Variants in PTK7 observed in about 807,000 individuals in gnomAD.
The protein encoded by PTK7 is protein tyrosine kinase 7 (inactive), also known as inactive tyrosine-protein kinase 7.
Under a neutral mutation model 116.6 loss-of-function variants are expected in PTK7, and 39 were observed. The ratio of observed to expected loss-of-function variants is 0.33; its 90% CI spans 0.26 to 0.44. The LOEUF is 0.44. PTK7 is among the 20% of genes least tolerant of loss of function. PTK7 has a pLI of 1.00. For synonymous variants in PTK7, 546 were observed against 563.6 expected (o/e 0.97, Z 0.44); for missense variants, 1,169 against 1,425.6 (o/e 0.82, Z 2.90).
intron 17 of PTK7, among the ~76,000 whole-genome samples, chr6:43,151,851 C>CT (rs1203684635): frequency 1.3e-4 from 17 of 129,670 alleles, no homozygotes; most frequent in African/African-American, 2.3e-4. Context: ...CGCCCCCCGC[C>CT]TTTTTTTTTA....
intron 1 of PTK7, among the ~76,000 whole-genome samples, chr6:43,113,483 C>T (rs183419565): frequency 6.6e-6 from 1 of 152,136 alleles, no homozygotes; most frequent in Admixed American, 6.5e-5. Flanking sequence ...GTCTGGTGAA[C>T]ACAAGGGTTT....
intron 17 of PTK7, among the ~76,000 whole-genome samples, chr6:43,158,611 T>G (rs1771656186): frequency 6.6e-6 from 1 of 152,210 alleles, no homozygotes; most frequent in African/African-American, 2.4e-5. Context: ...GGCACTTTAG[T>G]TTGCTTAGTT....
Position 43,157,376 on chromosome 6 carries a change from CTT to C in PTK7, c.2722-1423_2722-1422del, listed in dbSNP as rs71547832. Among the ~76,000 whole-genome samples, 38 of 21,876 alleles carry C rather than the reference CTT, an allele frequency of 1.7e-3. 3 individuals carry two copies. Among genetic ancestry groups the C allele is most frequent in the African/African-American group, 4.5e-3 (26 of 5,800 alleles). 14.4% of individuals were successfully genotyped at this position (21,876 alleles called of 152,430 possible). ...TATATATATATATATTTTTTTTTTT[CTT>C]TTTTTTTTTTTTTTTTTAATAGAGT... On this transcript the variant is annotated intron_variant, in intron 17 of 19. Transcript: ENST00000230419.
chr6:43,150,297 G>C (rs963091276), intron 17 of PTK7, among the ~76,000 whole-genome samples: 4 of 151,434 alleles, frequency 2.6e-5, no homozygotes, highest in Admixed American at 6.6e-5. Flanking sequence ...AAAGGAAGGA[G>C]TGGGTCTGAT....
intron 1 of PTK7, among the ~76,000 whole-genome samples, chr6:43,090,879 C>T (rs1405193935): frequency 6.6e-6 from 1 of 152,110 alleles, no homozygotes; most frequent in Non-Finnish European, 1.5e-5. Flanking sequence ...GCTAGGGAAA[C>T]CTGTTTTCTT....
rs1365319960 is a variant in PTK7 at position 43,119,194 on chromosome 6, G to T, written c.80-9783G>T. Among the ~76,000 whole-genome samples the T allele has an allele frequency of 2.0e-5, 3 of 152,056 alleles. 1 individual carries two copies. The highest frequency in any genetic ancestry group is 4.4e-5 in the Non-Finnish European group (3 of 68,014). ...TAAAGGGCGTCCTCCTCACCACCAG[G>T]AATTTGGGGTGAACTGCTGTGGCCA... On this transcript the variant is annotated intron_variant, in intron 1 of 19. Transcript: ENST00000230419.
At chr6:43,093,072 T>G (rs1035188550) in intron 1 of PTK7, among the ~76,000 whole-genome samples, 2 of 152,046 alleles carry the variant, frequency 1.3e-5, no homozygotes, top group Non-Finnish European at 2.9e-5. Flanking sequence ...GGGGTGACTT[T>G]AAGTCTTTAT....
At position 43,138,865 on chromosome 6, in the gene PTK7, G is replaced by A; in HGVS notation, c.1245G>A (p.Leu415=). 1 of 1,613,682 alleles carries A rather than the reference G, an allele frequency of 6.2e-7. No individual in the cohort carries two copies. Among genetic ancestry groups the A allele is most frequent in the Non-Finnish European group, 8.5e-7 (1 of 1,179,794 alleles). ...TCTGTCTAGCTGTGCCCTCCTGGCT[G>A]AAGAAGCCCCAAGACAGCCAGCTGG... ...NITVATVPSW[L]KKPQDSQLEE... The change falls in exon 8 of 20, where the codon CTG becomes CTA. Residue 415 remains leucine (L), a synonymous_variant. Coordinates refer to ENST00000230419, the MANE Select transcript of PTK7 (RefSeq NM_002821.5).
chr6:43,128,658 G>T (rs1769444553), intron 1 of PTK7, among the ~76,000 whole-genome samples: 1 of 152,170 alleles, frequency 6.6e-6, no homozygotes, highest in Admixed American at 6.5e-5. Flanking sequence ...GGTGGCTCAT[G>T]CCTATAATCC....
chr6:43,128,973 A>G lies in PTK7; in HGVS notation c.80-4A>G, dbSNP rs1769465281. On this transcript the variant is annotated splice_region_variant and splice_polypyrimidine_tract_variant and intron_variant, in intron 1 of 19. Coordinates refer to ENST00000230419, the MANE Select transcript of PTK7 (RefSeq NM_002821.5). Reference sequence around the variant, plus strand: ...CCCTGCCTCTCCCCTGTTTGCATCTACAGGTACCCAGACAGCCATTGTCTT... The same window carrying G: ...CCCTGCCTCTCCCCTGTTTGCATCTGCAGGTACCCAGACAGCCATTGTCTT... 2 of 1,599,628 alleles carry G rather than the reference A, an allele frequency of 1.3e-6. No homozygotes were observed. Among genetic ancestry groups the G allele is most frequent in the African/African-American group, 1.3e-5 (1 of 74,694 alleles).
At position 43,139,377 on chromosome 6, in the gene PTK7, G is replaced by C. The variant is rs749234249; in HGVS notation, c.1499-29G>C. 4 of 1,614,060 alleles carry C rather than the reference G, an allele frequency of 2.5e-6. No homozygotes were observed. The highest frequency in any genetic ancestry group is 3.3e-5 in the Admixed American group (2 of 60,016). On this transcript the variant is annotated intron_variant, in intron 9 of 19. Transcript: ENST00000230419. This position sits in a 1 kb window ranked among gnomAD's most constrained non-coding sequence, Gnocchi z 4.6. ...GCCTCTCCAGCGGCCCCAATTCCTCGTCTTTCTACCCACCCTCTGCTGAAA... is the reference window on the plus strand; with the variant it reads ...GCCTCTCCAGCGGCCCCAATTCCTCCTCTTTCTACCCACCCTCTGCTGAAA...
intron 17 of PTK7, among the ~76,000 whole-genome samples, chr6:43,151,378 A>AT (rs886789063): frequency 6.1e-5 from 9 of 146,820 alleles, no homozygotes; most frequent in African/African-American, 2.3e-4. Context: ...CGCCCGGCCA[A>AT]TTTTTTTGTA....
chr6:43,120,180 T>C (rs1768873610), intron 1 of PTK7, among the ~76,000 whole-genome samples: 1 of 152,140 alleles, frequency 6.6e-6, no homozygotes, highest in South Asian at 2.1e-4. Context: ...TAAATGTAGA[T>C]GTAGGACAAT....
In PTK7 at chr6:43,076,340, G is replaced by C; in HGVS notation, c.-149G>C. 1 of 351,108 alleles carries C rather than the reference G, an allele frequency of 2.8e-6. No individual in the cohort carries two copies. The highest frequency in any genetic ancestry group is 4.5e-6 in the Non-Finnish European group (1 of 223,584). The allele number at this position is 351,108 out of a possible 1,614,324, so 21.7% of individuals were successfully genotyped here. ...CTGGGCGCGCGCGGCTCCGGCTCGG[G>C]ACGCCTCGGGACGCCTCGGGGTCGG... On this transcript the variant is annotated 5_prime_UTR_variant, in exon 1 of 20. Coordinates refer to ENST00000230419, the MANE Select transcript of PTK7 (RefSeq NM_002821.5). The surrounding 1 kb of genome is among the most constrained non-coding windows in gnomAD (Gnocchi z 5.7).
Position 43,141,358 on chromosome 6 carries a change from G to A in PTK7, c.1619-310G>A, listed in dbSNP as rs140209258. Among the ~76,000 whole-genome samples the A allele has an allele frequency of 2.4e-3, 366 of 152,246 alleles. 2 individuals are homozygous for A. The highest frequency in any genetic ancestry group is 8.2e-3 in the African/African-American group (341 of 41,536). ...CTACAGCCTGGGATGGTAAAGAGCG[G>A]GAATGGGCTCTAGGAGGGAGAAGTG... On this transcript the variant is annotated intron_variant, in intron 10 of 19. Coordinates refer to ENST00000230419, the MANE Select transcript of PTK7 (RefSeq NM_002821.5). The surrounding 1 kb of genome is among the most constrained non-coding windows in gnomAD (Gnocchi z 4.9).
At chr6:43,094,176 TA>T (rs1407486763) in intron 1 of PTK7, among the ~76,000 whole-genome samples, 1 of 152,008 alleles carries the variant, frequency 6.6e-6, no homozygotes, top group Non-Finnish European at 1.5e-5. Flanking sequence ...TCAAAGGGAG[TA>T]GTAGCCTCTG....
chr6:43,114,372 G>C (rs968497485), intron 1 of PTK7, among the ~76,000 whole-genome samples: 5 of 151,668 alleles, frequency 3.3e-5, no homozygotes, highest in African/African-American at 1.2e-4. Context: ...CTCTCTCTCT[G>C]TCAGTCTCCC....
At chr6:43,080,901 C>T (rs187910019) in intron 1 of PTK7, among the ~76,000 whole-genome samples, 53 of 152,032 alleles carry the variant, frequency 3.5e-4, no homozygotes, top group South Asian at 2.1e-4. Flanking sequence ...GAGATCGCGC[C>T]GCTGCACTCC....
In PTK7 at chr6:43,145,322, C is replaced by G; in HGVS notation, c.2530C>G (p.Arg844Gly). ...SKDEQQQLDFRRELEMFGKLN... is the reference protein window; with the variant it reads ...SKDEQQQLDFGRELEMFGKLN... ...GGATGAGCAGCAGCAGCTGGACTTC[C>G]GGAGGGAGTTGGAGATGTTTGGGAA... The change falls in exon 16 of 20, where the codon CGG (arginine) becomes GGG (glycine). Residue 844 changes from arginine (R) to glycine (G), a missense_variant. Coordinates refer to ENST00000230419, the MANE Select transcript of PTK7 (RefSeq NM_002821.5). This position sits in a 1 kb window ranked among gnomAD's most constrained non-coding sequence, Gnocchi z 4.8. 1 of 1,613,758 alleles carries G rather than the reference C, an allele frequency of 6.2e-7. No homozygotes were observed. Among genetic ancestry groups the G allele is most frequent in the Non-Finnish European group, 8.5e-7 (1 of 1,179,912 alleles).
Sources: allele counts gnomAD v4.1 joint callset (sites outside exome capture counted in the v4.1 genomes callset), GRCh38; gene constraint gnomAD v4.1.1; non-coding constraint Gnocchi (gnomAD v3.1); transcripts MANE v1.5; gene names NCBI Gene and HGNC (gene_info 2026-07-23, HGNC 2026-07-21).